The following TGFB2 variants were observed in gnomAD, a reference collection of about 807,000 sequenced individuals.
TGFB2 encodes the protein transforming growth factor beta 2.
Under a neutral mutation model 42.7 loss-of-function variants are expected in TGFB2, and 13 were observed. That is an observed-to-expected ratio of 0.30 (90% CI 0.20 to 0.48). TGFB2 has a LOEUF of 0.48. Among genes scored for constraint, TGFB2 ranks in the 20% least tolerant of loss-of-function variants. The pLI is 0.99. For synonymous variants in TGFB2, 193 were observed against 193.6 expected, an observed-to-expected ratio of 1.00 and a Z score of 0.03; for missense variants, 390 against 517.5, an observed-to-expected ratio of 0.75 and a Z score of 2.39.
rs1054458441 is a variant in TGFB2, at chr1:218,441,738, C to T, written c.*376C>T. 9 of 175,102 alleles carry T rather than the reference C, an allele frequency of 5.1e-5. 1 individual carries two copies. Among genetic ancestry groups the T allele is most frequent in the Admixed American group, 2.9e-4 (5 of 17,098 alleles). 10.8% of individuals were successfully genotyped at this position (175,102 alleles called of 1,614,324 possible). A position where few individuals can be genotyped will look rare whatever the true frequency, so the allele number is the denominator to read the frequency against. ...AATCCCATTAAGTGGAGTTGCTGTA[C>T]GTACCGTTCCTATCCCGCGCCTCAC... On this transcript the variant is annotated 3_prime_UTR_variant, in exon 7 of 7. Coordinates refer to ENST00000366930, the MANE Select transcript of TGFB2 (RefSeq NM_003238.6).
At chr1:218,404,479 T>G (rs1171728498) in intron 1 of TGFB2, among the ~76,000 whole-genome samples, 1 of 152,216 alleles carries the variant, frequency 6.6e-6, no homozygotes, top group Non-Finnish European at 1.5e-5. Flanking sequence ...GGTTTAGAAC[T>G]GAAGGAATTT....
chr1:218,391,944 G>A (rs1253595243), intron 1 of TGFB2, among the ~76,000 whole-genome samples: 1 of 152,180 alleles, frequency 6.6e-6, no homozygotes, highest in African/African-American at 2.4e-5. Flanking sequence ...GCAAAGTAGA[G>A]AACAACTAGA....
At chr1:218,439,515 A>C (rs759329948) in intron 6 of TGFB2, among the ~76,000 whole-genome samples, 1 of 152,222 alleles carries the variant, frequency 6.6e-6, no homozygotes, top group African/African-American at 2.4e-5. Context: ...AGCATAAAGT[A>C]TATTTATTTA....
intron 1 of TGFB2, among the ~76,000 whole-genome samples, chr1:218,358,136 A>T (rs1207580744): frequency 6.6e-6 from 1 of 152,174 alleles, no homozygotes; most frequent in Non-Finnish European, 1.5e-5. Flanking sequence ...AGAATGCAAA[A>T]TTTGGTTTTG....
chr1:218,395,671 G>A (rs1399168367), intron 1 of TGFB2, among the ~76,000 whole-genome samples: 1 of 151,090 alleles, frequency 6.6e-6, no homozygotes, highest in Admixed American at 6.6e-5. Flanking sequence ...GAGTGCAGTG[G>A]CGCAATCTCG....
At chr1:218,369,857 G>A (rs1013083469) in intron 1 of TGFB2, among the ~76,000 whole-genome samples, 1 of 152,212 alleles carries the variant, frequency 6.6e-6, no homozygotes, top group Admixed American at 6.5e-5. Flanking sequence ...TTTGAAATGA[G>A]GTCATAAGCC....
chr1:218,376,987 G>T (rs1657762463), intron 1 of TGFB2, among the ~76,000 whole-genome samples: 1 of 152,068 alleles, frequency 6.6e-6, no homozygotes, highest in Admixed American at 6.5e-5. Flanking sequence ...TTGACCTCCT[G>T]GGCTCAAGTG....
intron 1 of TGFB2, among the ~76,000 whole-genome samples, chr1:218,403,167 CT>C (rs939577570): frequency 1.3e-5 from 2 of 152,044 alleles, no homozygotes; most frequent in African/African-American, 4.8e-5. Context: ...TGCATGAATA[CT>C]TTTTTTCTTT....
At chr1:218,427,510 G>T (rs1390312779) in intron 2 of TGFB2, among the ~76,000 whole-genome samples, 5 of 152,066 alleles carry the variant, frequency 3.3e-5, no homozygotes, top group Non-Finnish European at 7.3e-5. Context: ...ACAAGCCCCA[G>T]TGTGTGATGT....
chr1:218,399,016 G>A (rs1658621565), intron 1 of TGFB2, among the ~76,000 whole-genome samples: 1 of 152,146 alleles, frequency 6.6e-6, no homozygotes, highest in Non-Finnish European at 1.5e-5. Context: ...CCAAGTAGGT[G>A]GGAGTTACAG....
At chr1:218,399,924 GCTTA>G (rs951188630) in intron 1 of TGFB2, among the ~76,000 whole-genome samples, 61 of 152,200 alleles carry the variant, frequency 4.0e-4, no homozygotes, top group African/African-American at 1.5e-3. Context: ...CTTTCCATCT[GCTTA>G]CTTATAGAAT....
chr1:218,438,571 G>A (rs1040896866), intron 6 of TGFB2, among the ~76,000 whole-genome samples: 2 of 151,940 alleles, frequency 1.3e-5, no homozygotes, highest in African/African-American at 4.8e-5. Context: ...TTGAAAATTC[G>A]TTTCTCTACT....
At chr1:218,351,708 A>C (rs1656872776) in intron 1 of TGFB2, among the ~76,000 whole-genome samples, 1 of 152,104 alleles carries the variant, frequency 6.6e-6, no homozygotes, top group South Asian at 2.1e-4. Context: ...TCACAGAAGG[A>C]AGGGGTTGGG....
Position 218,441,741 on chromosome 1 carries a change from A to G in TGFB2, c.*379A>G, listed in dbSNP as rs548769681. On this transcript the variant is annotated 3_prime_UTR_variant, in exon 7 of 7. Transcript: ENST00000366930. ...CCCATTAAGTGGAGTTGCTGTACGT[A>G]CCGTTCCTATCCCGCGCCTCACTTG... 10 of 174,396 alleles carry G rather than the reference A, an allele frequency of 5.7e-5. No individual in the cohort carries two copies. Among genetic ancestry groups the G allele is most frequent in the Non-Finnish European group, 1.2e-4 (10 of 82,486 alleles). The allele number at this position is 174,396 out of a possible 1,614,324, so 10.8% of individuals were successfully genotyped here.
At chr1:218,356,910 T>TATATA (rs1407046742) in intron 1 of TGFB2, among the ~76,000 whole-genome samples, 1 of 152,150 alleles carries the variant, frequency 6.6e-6, no homozygotes, top group Non-Finnish European at 1.5e-5. Context: ...GACATTACGG[T>TATATA]GTAGAAATCT....
intron 1 of TGFB2, among the ~76,000 whole-genome samples, chr1:218,387,498 C>T (rs1203023634): frequency 3.9e-5 from 6 of 152,102 alleles, no homozygotes. Context: ...TCACCTTGAA[C>T]CCAGTAACCT....
At chr1:218,347,933 A>ATTT (rs11406779) in intron 1 of TGFB2, among the ~76,000 whole-genome samples, 11 of 129,896 alleles carry the variant, frequency 8.5e-5, no homozygotes, top group African/African-American at 2.5e-4. Flanking sequence ...CGACAGCCGT[A>ATTT]TTTTTTTTTT....
intron 2 of TGFB2, among the ~76,000 whole-genome samples, chr1:218,408,815 G>A (rs866407322): frequency 3.3e-5 from 5 of 152,150 alleles, no homozygotes; most frequent in Non-Finnish European, 7.3e-5. Context: ...CCAGGGACCA[G>A]TTTTGTGGAA....
intron 1 of TGFB2, among the ~76,000 whole-genome samples, chr1:218,380,687 C>T (rs1002468727): frequency 1.3e-5 from 2 of 151,974 alleles, no homozygotes; most frequent in African/African-American, 4.8e-5. Flanking sequence ...TTTGCTTCAT[C>T]TGGAGATGAA....
Sources: gnomAD v4.1 joint callset for allele counts (sites outside exome capture counted in the v4.1 genomes callset) on GRCh38, gnomAD v4.1.1 for gene constraint, MANE v1.5 for transcripts, NCBI Gene and HGNC (gene_info 2026-07-23, HGNC 2026-07-21) for gene names.